ARHGEF3: variants seen among roughly 807,000 people sequenced by gnomAD.
ARHGEF3 encodes Rho guanine nucleotide exchange factor 3.
A neutral mutation model predicts 63.2 loss-of-function variants in ARHGEF3; 28 were observed. That is an observed-to-expected ratio of 0.44 (90% confidence interval 0.33 to 0.61). ARHGEF3 has a LOEUF of 0.61. Among genes scored for constraint, ARHGEF3 ranks in the 20% least tolerant of loss-of-function variants. The pLI is 0.03. For synonymous variants in ARHGEF3, 266 were observed against 254.2 expected (o/e 1.05, Z -0.44); for missense variants, 533 against 659.3 (o/e 0.81, Z 2.10).
intron 4 of ARHGEF3, among the ~76,000 whole-genome samples, chr3:56,812,367 A>T (rs1312655836): frequency 6.6e-6 from 1 of 152,200 alleles, no homozygotes; most frequent in African/African-American, 2.4e-5. Context: ...CCTCTCAGAT[A>T]TGATAGAGCT....
chr3:57,000,439 A>G lies in ARHGEF3; in HGVS notation c.62+34649T>C, dbSNP rs139795148. On this transcript the variant is annotated intron_variant, in intron 2 of 12. Transcript: ENST00000338458. ...TCCCTCCCCAGTCAAATTCCTCTCC[A>G]TGTCCTCCCTTTTGATGTGGTGTCA... Among the ~76,000 whole-genome samples the G allele has an allele frequency of 3.1e-3, 474 of 151,752 alleles. 2 individuals are homozygous for G. Among genetic ancestry groups the G allele is most frequent in the African/African-American group, 0.011 (453 of 41,332 alleles).
intron 3 of ARHGEF3, among the ~76,000 whole-genome samples, chr3:56,892,019 A>G (rs919813608): frequency 6.6e-6 from 1 of 152,152 alleles, no homozygotes; most frequent in Non-Finnish European, 1.5e-5. Context: ...CTCCCACGGG[A>G]GGGAAGACAT....
At chr3:56,859,535 C>CTT in intron 4 of ARHGEF3, among the ~76,000 whole-genome samples, 1 of 144,074 alleles carries the variant, frequency 6.9e-6, no homozygotes, top group African/African-American at 2.5e-5. Context: ...CTTGGTACAC[C>CTT]TTTTTTTTTT....
intron 1 of ARHGEF3, among the ~76,000 whole-genome samples, chr3:57,044,989 G>T (rs921087715): frequency 6.6e-6 from 1 of 152,152 alleles, no homozygotes; most frequent in Non-Finnish European, 1.5e-5. Flanking sequence ...ACTATTGGCC[G>T]GACGTGGTGG....
chr3:56,742,251 G>T (rs1310377405), intron 7 of ARHGEF3, among the ~76,000 whole-genome samples: 1 of 151,834 alleles, frequency 6.6e-6, no homozygotes, highest in Non-Finnish European at 1.5e-5. Flanking sequence ...TTTTCTGGCC[G>T]AAAAATTCTT....
At chr3:57,066,961 A>T (rs1705572636) in intron 1 of ARHGEF3, among the ~76,000 whole-genome samples, 1 of 152,130 alleles carries the variant, frequency 6.6e-6, no homozygotes, top group South Asian at 2.1e-4. Context: ...TCAACCTCTC[A>T]ATAGATAGAT....
intron 4 of ARHGEF3, among the ~76,000 whole-genome samples, chr3:56,827,781 G>GA (rs71072198): frequency 0.52 from 58,422 of 113,362 alleles, 15,223 homozygotes; most frequent in Non-Finnish European, 0.57. Flanking sequence ...AAACAGAAAA[G>GA]AAAAAAAAAA....
intron 3 of ARHGEF3, among the ~76,000 whole-genome samples, chr3:56,907,264 A>G (rs2041716496): frequency 6.6e-6 from 1 of 152,204 alleles, no homozygotes; most frequent in Non-Finnish European, 1.5e-5. Flanking sequence ...TACAGGCATG[A>G]GCCACGGCGC....
chr3:57,075,880 A>G (rs981326678), intron 1 of ARHGEF3, among the ~76,000 whole-genome samples: 1 of 152,216 alleles, frequency 6.6e-6, no homozygotes, highest in Non-Finnish European at 1.5e-5. Flanking sequence ...ATCAAAGTAA[A>G]GAAGAAAGCA....
At chr3:56,775,332 T>C in intron 1 of ARHGEF3, 14 of 1,162,042 alleles carry the variant, frequency 1.2e-5, no homozygotes, top group Non-Finnish European at 1.5e-5. Context: ...CAGCCTTCTT[T>C]GAAATAGACT....
chr3:57,056,392 A>AAAC (rs1261822347), intron 1 of ARHGEF3, among the ~76,000 whole-genome samples: 1 of 151,200 alleles, frequency 6.6e-6, no homozygotes, highest in Non-Finnish European at 1.5e-5. Flanking sequence ...ATCAAAAAAA[A>AAAC]AAAAAAAAAA....
At chr3:56,754,938 T>G in intron 3 of ARHGEF3, 43 bp downstream of exon 3, 2 of 1,612,958 alleles carry the variant, frequency 1.2e-6, no homozygotes, top group Non-Finnish European at 1.7e-6. Flanking sequence ...GCAATGCACC[T>G]TTGTTCCAGA....
Position 56,732,378 on chromosome 3 carries a change from G to C in ARHGEF3, c.1088C>G (p.Ala363Gly). Residue 363 changes from alanine to glycine, a missense_variant, in exon 9 of 10, where the codon GCC (alanine) becomes GGC (glycine). Around this residue, in one of 4 missense-constraint regions of ARHGEF3, gnomAD observed 151 missense variants for 190.7 expected, o/e 0.79. Transcript: ENST00000296315. ...GCAAAGCTGCTCATTGTGGGTGACG[G>C]CTCGAGTGATCACAAGCACTTCTTG... ...LFQEVLVITR[A>G]VTHNEQLCYQ... 1 of 1,614,136 alleles carries C rather than the reference G, an allele frequency of 6.2e-7. No homozygotes were observed. The highest frequency in any genetic ancestry group is 8.5e-7 in the Non-Finnish European group (1 of 1,180,034).
intron 3 of ARHGEF3, among the ~76,000 whole-genome samples, chr3:56,886,474 T>A (rs570702739): frequency 6.6e-6 from 1 of 152,296 alleles, no homozygotes; most frequent in Admixed American, 6.5e-5. Flanking sequence ...AACTGGGATT[T>A]CTAGAATATT....
At chr3:56,919,510 T>C (rs947659399) in intron 3 of ARHGEF3, among the ~76,000 whole-genome samples, 1 of 152,250 alleles carries the variant, frequency 6.6e-6, no homozygotes, top group Non-Finnish European at 1.5e-5. Flanking sequence ...TGCTATGGTA[T>C]GGAAGGAAAT....
At chr3:56,917,006 CAA>C (rs1490909529) in intron 3 of ARHGEF3, among the ~76,000 whole-genome samples, 1 of 152,188 alleles carries the variant, frequency 6.6e-6, no homozygotes, top group East Asian at 1.9e-4. Context: ...TCATGGATAA[CAA>C]GAGGTCTTCC....
At chr3:57,065,045 C>T (rs1448563123) in intron 1 of ARHGEF3, among the ~76,000 whole-genome samples, 2 of 152,188 alleles carry the variant, frequency 1.3e-5, no homozygotes, top group African/African-American at 2.4e-5. Flanking sequence ...GGGTGTATAA[C>T]TGTAGGGAGA....
chr3:56,989,605 A>G (rs1701670246), intron 2 of ARHGEF3, among the ~76,000 whole-genome samples: 1 of 152,188 alleles, frequency 6.6e-6, no homozygotes, highest in Non-Finnish European at 1.5e-5. Context: ...AGAATCATCC[A>G]GCCTGTGACA....
At chr3:56,815,672 TA>T (rs1451335197) in intron 4 of ARHGEF3, among the ~76,000 whole-genome samples, 2 of 152,348 alleles carry the variant, frequency 1.3e-5, no homozygotes, top group Non-Finnish European at 1.5e-5. Context: ...TGGCCTAAAA[TA>T]TACCACTGTC....
Sources: allele counts gnomAD v4.1 joint callset (sites outside exome capture counted in the v4.1 genomes callset), GRCh38; gene constraint gnomAD v4.1.1; regional missense constraint gnomAD v4.1.1; transcripts MANE v1.5; gene names NCBI Gene and HGNC (gene_info 2026-07-23, HGNC 2026-07-21).